ANK3: variants seen among roughly 807,000 people sequenced by gnomAD.
The protein encoded by ANK3 is ankyrin 3, also known as ankyrin-3.
ANK3 carries 57 observed loss-of-function variants against 370.9 expected under a neutral mutation model. That is an observed-to-expected ratio of 0.15 (90% CI 0.12 to 0.19). The LOEUF (loss-of-function observed/expected upper bound fraction) is 0.19. ANK3 is among the 10% of genes least tolerant of loss of function. The pLI is 1.00. For missense variants in ANK3, 4,439 were observed against 5,302.1 expected (o/e 0.84, Z 5.06); for synonymous variants, 1,929 against 1,946.3 (o/e 0.99, Z 0.23).
chr10:60,612,367 G>A (rs1234411500), intron 2 of ANK3, among the ~76,000 whole-genome samples: 1 of 152,204 alleles, frequency 6.6e-6, no homozygotes, highest in African/African-American at 2.4e-5. Context: ...AAGGCCAAAA[G>A]AGATGCTCCC....
intron 18 of ANK3, among the ~76,000 whole-genome samples, chr10:60,176,379 A>AG (rs34404993): frequency 0.023 from 3,516 of 150,642 alleles, 120 homozygotes; most frequent in East Asian, 0.072. Flanking sequence ...AAAAAAAAAA[A>AG]AAAAAGAAAG....
intron 2 of ANK3, chr10:60,508,465 A>G (rs1482990324): frequency 1.3e-5 from 2 of 152,650 alleles, no homozygotes; most frequent in Admixed American, 6.5e-5. Context: ...ATGGAAAACC[A>G]GCACTTACCC....
At chr10:60,519,334 G>T (rs1026391529) in intron 2 of ANK3, among the ~76,000 whole-genome samples, 1 of 152,108 alleles carries the variant, frequency 6.6e-6, no homozygotes, top group African/African-American at 2.4e-5. Context: ...CTAGACAGGT[G>T]TCACAGGAAA....
At chr10:60,440,934 C>A (rs1372511720) in intron 2 of ANK3, among the ~76,000 whole-genome samples, 1 of 152,120 alleles carries the variant, frequency 6.6e-6, no homozygotes, top group East Asian at 1.9e-4. Flanking sequence ...TCTTCATACG[C>A]CAGTTTTAAA....
intron 2 of ANK3, among the ~76,000 whole-genome samples, chr10:60,415,966 A>T (rs143443070): frequency 9.8e-4 from 125 of 127,572 alleles, no homozygotes; most frequent in African/African-American, 3.8e-3. Context: ...CCTCAATGTG[A>T]TGGTATAAGG....
intron 7 of ANK3, among the ~76,000 whole-genome samples, chr10:60,240,283 T>C (rs189411928): frequency 0.28 from 16,009 of 57,588 alleles, 1,378 homozygotes; most frequent in East Asian, 0.51. Context: ...CACACACACA[T>C]ATATATATAT....
intron 2 of ANK3, among the ~76,000 whole-genome samples, chr10:60,397,201 TA>T (rs200880865): frequency 0.026 from 3,676 of 139,844 alleles, 86 homozygotes; most frequent in African/African-American, 0.064. Context: ...ATAGTAGGAT[TA>T]AAAAAAAAAA....
intron 8 of ANK3, among the ~76,000 whole-genome samples, chr10:60,215,853 A>G (rs2096928431): frequency 6.6e-6 from 1 of 152,262 alleles, no homozygotes; most frequent in South Asian, 2.1e-4. Flanking sequence ...TCCATATGAC[A>G]TTTAAAATAC....
intron 28 of ANK3, among the ~76,000 whole-genome samples, chr10:60,092,834 C>T (rs950411710): frequency 1.3e-5 from 2 of 152,216 alleles, no homozygotes; most frequent in Non-Finnish European, 2.9e-5. Flanking sequence ...CTCCTGGGCT[C>T]AAGCAATTCT....
chr10:60,045,949 T>C (rs2076886687), intron 42 of ANK3, among the ~76,000 whole-genome samples: 1 of 152,068 alleles, frequency 6.6e-6, no homozygotes, highest in Non-Finnish European at 1.5e-5. Flanking sequence ...AGTGACTTTG[T>C]GTTCTTACAG....
chr10:60,606,258 G>T (rs1374800423), intron 2 of ANK3, among the ~76,000 whole-genome samples: 1 of 151,954 alleles, frequency 6.6e-6, no homozygotes, highest in Non-Finnish European at 1.5e-5. Context: ...TATAAATTTG[G>T]GTTGAGGAAC....
At chr10:60,461,056 ATG>A (rs2064872238) in intron 2 of ANK3, among the ~76,000 whole-genome samples, 1 of 152,190 alleles carries the variant, frequency 6.6e-6, no homozygotes, top group Non-Finnish European at 1.5e-5. Context: ...CTCAAAATGC[ATG>A]TTCATTTTCA....
intron 1 of ANK3, among the ~76,000 whole-genome samples, chr10:60,282,768 T>G (rs769764868): frequency 1.3e-4 from 20 of 152,172 alleles, no homozygotes; most frequent in Non-Finnish European, 2.9e-4. Context: ...TTCACTTTCC[T>G]TGGCCCTGTT....
intron 11 of ANK3, among the ~76,000 whole-genome samples, chr10:60,203,756 T>C (rs76399568): frequency 3.9e-5 from 6 of 152,192 alleles, no homozygotes; most frequent in Non-Finnish European, 8.8e-5. Context: ...TAAATGTACA[T>C]AGACCCCAGA....
chr10:60,187,088 T>C (rs1394149853), intron 16 of ANK3, among the ~76,000 whole-genome samples, 176 bp from the exon 17 acceptor site: 1 of 152,212 alleles, frequency 6.6e-6, no homozygotes, highest in Non-Finnish European at 1.5e-5. Context: ...CCCTCATGTA[T>C]CCTGCATTCC....
Position 60,375,030 on chromosome 10 carries a change from C to A in ANK3, c.114+14395G>T, listed in dbSNP as rs190859291. ...AGAGAAGGGAGGAAAGAAGAAGTGA[C>A]GTATATACACGCACAGAAAAACATT... On this transcript the variant is annotated intron_variant, in intron 1 of 43. Transcript: ENST00000280772. 6.6e-5 allele frequency among the ~76,000 whole-genome samples: 10 copies of A among 152,076 alleles called. No homozygotes were observed. In the East Asian group the frequency reaches 1.7e-3, roughly 27 times the overall value.
intron 8 of ANK3, among the ~76,000 whole-genome samples, chr10:60,225,627 A>AG (rs1257338412): frequency 1.3e-5 from 2 of 152,140 alleles, no homozygotes; most frequent in East Asian, 1.9e-4. Flanking sequence ...TATATATAGG[A>AG]GGGAAAATAC....
chr10:60,623,723 A>T (rs17241894), intron 1 of ANK3, among the ~76,000 whole-genome samples: 1 of 152,136 alleles, frequency 6.6e-6, no homozygotes, highest in Non-Finnish European at 1.5e-5. Context: ...GTAAGGAATT[A>T]ACCTTGCCCA....
intron 2 of ANK3, among the ~76,000 whole-genome samples, chr10:60,556,931 G>A (rs2077220225): frequency 6.6e-6 from 1 of 152,184 alleles, no homozygotes; most frequent in Non-Finnish European, 1.5e-5. Flanking sequence ...AGGAGCATGA[G>A]CCCTGTTGTG....
Sources: allele counts gnomAD v4.1 joint callset (sites outside exome capture counted in the v4.1 genomes callset), GRCh38; gene constraint gnomAD v4.1.1; transcripts MANE v1.5; gene names NCBI Gene and HGNC (gene_info 2026-07-23, HGNC 2026-07-21).